The following MAP4K1 variants were observed in gnomAD, a reference collection of about 807,000 sequenced individuals.
MAP4K1 encodes the protein mitogen-activated protein kinase kinase kinase kinase 1.
A neutral mutation model predicts 122.8 loss-of-function variants in MAP4K1; 35 were observed. That is an observed-to-expected ratio of 0.29 (90% CI 0.22 to 0.38). The LOEUF (loss-of-function observed/expected upper bound fraction) is 0.38. Ranked by LOEUF, MAP4K1 falls within the 10% of genes least tolerant of loss-of-function variation. The pLI, the probability that MAP4K1 is intolerant of heterozygous loss-of-function variation, is 1.00. For missense variants in MAP4K1, 791 were observed against 1,072.6 expected, an observed-to-expected ratio of 0.74 and a Z score of 3.67; for synonymous variants, 412 against 421.3, an observed-to-expected ratio of 0.98 and a Z score of 0.27.
intron 9 of MAP4K1, 93 bp from the exon 10 acceptor site, chr19:38,611,398 A>C: frequency 1.2e-6 from 1 of 840,870 alleles, no homozygotes; most frequent in Non-Finnish European, 2.0e-6. Flanking sequence ...TGGTCAGCAG[A>C]GGGCAAAGTG....
rs1025012244 is a variant in MAP4K1, at chr19:38,617,805, C to T, written c.91G>A (p.Val31Ile). 5 of 1,614,128 alleles carry T rather than the reference C, an allele frequency of 3.1e-6. No individual in the cohort carries two copies. Among genetic ancestry groups the T allele is most frequent in the Non-Finnish European group, 4.2e-6 (5 of 1,179,984 alleles). The part of the protein sequence containing the change: ...QRLGGGTYGE[V>I]FKARDKVSGD... ...CAGAGGGGCTTCCTCACCTTAAAGA[C>T]TTCCCCATACGTGCCGCCACCCAGC... Residue 31 changes from valine to isoleucine, a missense_variant, in exon 1 of 31, where the codon GTC becomes ATC. Val to Ile is a conservative substitution (Grantham distance 29). Coordinates refer to ENST00000396857, the MANE Select transcript of MAP4K1 (RefSeq NM_001042600.3). This position sits in a 1 kb window ranked among gnomAD's most constrained non-coding sequence, Gnocchi z 4.1.
Position 38,601,487 on chromosome 19 carries a change from G to A in MAP4K1, c.1485C>T (p.Pro495=), listed in dbSNP as rs778520699. The part of the protein sequence containing the change: ...ALLVKLFNGC[P]LRIHSTAAWT... ...AGGCGGCCGTGCTGTGGATCCGGAG[G>A]GGGCAGCCATTGAACAACTTTACGA... Residue 495 remains proline, a synonymous_variant, in exon 20 of 31, where the codon CCC becomes CCT. Transcript: ENST00000396857. 2.5e-6 allele frequency: 4 copies of A among 1,610,354 alleles called. No homozygotes were observed. In the Admixed American group the frequency reaches 5.0e-5, roughly 20 times the overall value.
intron 11 of MAP4K1, 91 bp from the exon 12 acceptor site, chr19:38,610,116 G>A: frequency 2.2e-6 from 2 of 896,952 alleles, no homozygotes; most frequent in African/African-American, 3.3e-5. Context: ...GGGCCTTGGG[G>A]ACTGGACTAA....
chr19:38,610,048 G>A (rs13345914), intron 11 of MAP4K1, 23 bp from the exon 12 acceptor site: 72,525 of 1,520,156 alleles, frequency 0.048, 4,801 homozygotes, highest in East Asian at 0.26. Flanking sequence ...AGAGGTGTCC[G>A]TATCCAGAGG....
chr19:38,607,963 C>G, intron 15 of MAP4K1, 27 bp downstream of exon 15: 2 of 1,611,466 alleles, frequency 1.2e-6, no homozygotes, highest in Non-Finnish European at 8.5e-7. Flanking sequence ...TTCCAGCCCC[C>G]TCCCCATCCT....
chr19:38,616,589 C>A (rs942815046), intron 3 of MAP4K1, among the ~76,000 whole-genome samples: 3 of 152,082 alleles, frequency 2.0e-5, no homozygotes, highest in Admixed American at 6.6e-5. Flanking sequence ...GACAGAGGGG[C>A]CCAGGGCACC....
In MAP4K1 at chr19:38,617,002, C is replaced by T. The variant is rs1025465399; in HGVS notation, c.248+352G>A. On this transcript the variant is annotated intron_variant, in intron 3 of 30. Coordinates refer to ENST00000396857, the MANE Select transcript of MAP4K1 (RefSeq NM_001042600.3). This position sits in a 1 kb window ranked among gnomAD's most constrained non-coding sequence, Gnocchi z 4.1. ...GTGGATCACACCTGTAATCCCAGCA[C>T]TTTCGGAGGCCGAGGCGAGTGGATC... 7.9e-5 allele frequency among the ~76,000 whole-genome samples: 12 copies of T among 152,050 alleles called. No homozygotes were observed. The highest frequency in any genetic ancestry group is 2.9e-4 in the African/African-American group (12 of 41,408).
intron 22 of MAP4K1, among the ~76,000 whole-genome samples, chr19:38,598,666 T>G (rs1427221369): frequency 2.0e-5 from 3 of 152,060 alleles, no homozygotes; most frequent in African/African-American, 7.2e-5. Flanking sequence ...TCACTCTATC[T>G]TAGTAAAGTA....
At position 38,610,010 on chromosome 19, in the gene MAP4K1, G is replaced by A; in HGVS notation, c.826C>T (p.Gln276Ter). ...TKMLSHQLVS[Q>*]PGLNRGLILD... Reference sequence around the variant, plus strand: ...ATCAGGCCTCGATTCAGCCCAGGCTGGGATACCAGTTGATGCTGGCGGAGG... The same window carrying A: ...ATCAGGCCTCGATTCAGCCCAGGCTAGGATACCAGTTGATGCTGGCGGAGG... The change falls in exon 12 of 31, where the codon CAG (glutamine) becomes TAG (stop). Residue 276 changes from glutamine to a stop codon, truncating the protein, a stop_gained. Coordinates refer to ENST00000396857, the MANE Select transcript of MAP4K1 (RefSeq NM_001042600.3). LOFTEE classifies it high-confidence loss of function. 1 of 1,613,820 alleles carries A rather than the reference G, an allele frequency of 6.2e-7. No individual in the cohort carries two copies.
At chr19:38,589,710 C>T (rs1021698760) in intron 30 of MAP4K1, among the ~76,000 whole-genome samples, 3 of 152,062 alleles carry the variant, frequency 2.0e-5, no homozygotes, top group South Asian at 2.1e-4. Flanking sequence ...CCACCGCGCC[C>T]GACCGGTGGG....
In MAP4K1 at chr19:38,597,031, T is replaced by C. The variant is rs1247873857; in HGVS notation, c.1941+3A>G. On this transcript the variant is annotated splice_donor_region_variant and intron_variant, in intron 25 of 30. Coordinates refer to ENST00000396857, the MANE Select transcript of MAP4K1 (RefSeq NM_001042600.3). The surrounding 1 kb of genome is among the most constrained non-coding windows in gnomAD (Gnocchi z 4.6). ...GTTCCCAGCACCCTCCCAAGCCCCTTACCCGGACAAGCAGGAATTTGTTCA... is the reference window on the plus strand; with the variant it reads ...GTTCCCAGCACCCTCCCAAGCCCCTCACCCGGACAAGCAGGAATTTGTTCA... The C allele has an allele frequency of 6.2e-7, 1 of 1,613,900 alleles. No individual in the cohort carries two copies. The highest frequency in any genetic ancestry group is 1.1e-5 in the South Asian group (1 of 91,084).
In MAP4K1 at chr19:38,609,776, C is replaced by A. The variant is rs73552631; in HGVS notation, c.928-102G>T. The A allele has an allele frequency of 1.0e-3, 1,356 of 1,327,450 alleles. 8 individuals are homozygous for A. In the African/African-American group the frequency reaches 0.018, roughly 17 times the overall value. 82.2% of individuals were successfully genotyped at this position (1,327,450 alleles called of 1,614,324 possible). ...CTCCTGTAACCCTCTGGGCACACAG[C>A]CTTTTACCAAGCTCCCCATCCTCCC... On this transcript the variant is annotated intron_variant, in intron 12 of 30. Transcript: ENST00000396857.
rs567558526 is a variant in MAP4K1 at position 38,608,180 on chromosome 19, G to A, written c.1007-10C>T. ...AACTCCATGTGCCGCCCTAGGGTGG[G>A]TGGGGGAAGATAACCTGCTGTGAGC... On this transcript the variant is annotated splice_polypyrimidine_tract_variant and intron_variant, in intron 13 of 30. Transcript: ENST00000396857. The A allele has an allele frequency of 6.7e-6, 10 of 1,498,274 alleles. No individual in the cohort carries two copies. The South Asian group carries it at 9.6e-5, about 14-fold the overall frequency. 92.8% of individuals were successfully genotyped at this position (1,498,274 alleles called of 1,614,324 possible).
rs1446780729 is a variant in MAP4K1 at position 38,596,369 on chromosome 19, G to A, written c.2059C>T (p.Leu687Phe). The A allele has an allele frequency of 1.2e-6, 2 of 1,601,690 alleles. No individual in the cohort carries two copies. The highest frequency in any genetic ancestry group is 1.7e-6 in the Non-Finnish European group (2 of 1,176,522). Residue 687 changes from leucine to phenylalanine, a missense_variant, in exon 26 of 31, where the codon CTC becomes TTC. By Grantham distance (22) the Leu-to-Phe change is conservative. Around this residue, in one of 4 missense-constraint regions of MAP4K1, gnomAD observed 267 missense variants for 323.0 expected, o/e 0.83. Coordinates refer to ENST00000396857, the MANE Select transcript of MAP4K1 (RefSeq NM_001042600.3). ...GCGCCAAAGCGCACCGTGTGGAAGAGCACCGACTTCCCCGGCCGCCCGGGG... is the reference window on the plus strand; with the variant it reads ...GCGCCAAAGCGCACCGTGTGGAAGAACACCGACTTCCCCGGCCGCCCGGGG... The part of the protein sequence containing the change: ...VSPGRPGKSV[L>F]FHTVRFGALS...
chr19:38,614,730 G>A, intron 4 of MAP4K1: 1 of 459,442 alleles, frequency 2.2e-6, no homozygotes, highest in Non-Finnish European at 4.0e-6. Context: ...AGACCAGCCT[G>A]GCCAACATGG....
At chr19:38,590,509 C>T (rs1400953086) in intron 30 of MAP4K1, among the ~76,000 whole-genome samples, 2 of 147,290 alleles carry the variant, frequency 1.4e-5, no homozygotes, top group Non-Finnish European at 1.5e-5. Context: ...GACAGAGTCT[C>T]GCTCTGTCAC....
Position 38,600,142 on chromosome 19 carries a change from G to T in MAP4K1, c.1543C>A (p.Leu515Ile). Residue 515 changes from leucine to isoleucine, a missense_variant, in exon 21 of 31, where the codon CTC (leucine) becomes ATC (isoleucine). This residue lies in a region of MAP4K1 where 58 missense variants were observed against 118.7 expected (regional missense o/e 0.49). Transcript: ENST00000396857. ...THPSTKDQHL[L>I]LGAEEGIFIL... ...AAGATGCCTTCCTCTGCCCCCAGGA[G>T]CAGGTGCTGGTCTGGAGGCACAGAC... is the stretch of plus-strand genomic sequence containing the variant. 1 of 1,614,144 alleles carries T rather than the reference G, an allele frequency of 6.2e-7. No homozygotes were observed. The highest frequency in any genetic ancestry group is 1.1e-5 in the South Asian group (1 of 91,082).
At chr19:38,605,349 C>CCCCCCCCG in intron 19 of MAP4K1, 60 bp downstream of exon 19, 1 of 1,298,010 alleles carries the variant, frequency 7.7e-7, no homozygotes, top group Non-Finnish European at 1.1e-6. Flanking sequence ...CCCTCCCCAC[C>CCCCCCCCG]CCACCAGGCA....
Position 38,597,593 on chromosome 19 carries a change from T to C in MAP4K1, c.1671A>G (p.Gly557=), listed in dbSNP as rs1974929657. Residue 557 remains glycine, a splice_region_variant and synonymous_variant, in exon 23 of 31, where the codon GGA becomes GGG. Transcript: ENST00000396857. This position sits in a 1 kb window ranked among gnomAD's most constrained non-coding sequence, Gnocchi z 4.6. ...TATGAGAATACAGGTGGGGGGTCTT[T>C]CCTGCAGGGTGTGTGTATGTAGGGG... ...SINNVLMSLS[G]KTPHLYSHSI... 6.2e-7 allele frequency: 1 copy of C among 1,607,588 alleles called. No homozygotes were observed. Among genetic ancestry groups the C allele is most frequent in the Non-Finnish European group, 8.5e-7 (1 of 1,176,372 alleles).
Sources: allele counts gnomAD v4.1 joint callset (sites outside exome capture counted in the v4.1 genomes callset), GRCh38; gene constraint gnomAD v4.1.1; regional missense constraint gnomAD v4.1.1; non-coding constraint Gnocchi (gnomAD v3.1); transcripts MANE v1.5; gene names NCBI Gene and HGNC (gene_info 2026-07-23, HGNC 2026-07-21).